The following LCLAT1 variants were observed in gnomAD, a reference collection of about 807,000 sequenced individuals.
LCLAT1 encodes the protein 1-AGP acyltransferase 8.
In LCLAT1, 11 loss-of-function variants were observed where a neutral mutation model predicts 30.7. That is an observed-to-expected ratio of 0.36 (90% CI 0.23 to 0.59). LCLAT1 has a LOEUF of 0.59. LCLAT1 is among the 20% of genes least tolerant of loss of function. The probability of loss-of-function intolerance (pLI) is 0.77; values close to 1 mark genes in which losing one functional copy is unlikely to be tolerated. For synonymous variants in LCLAT1, 155 were observed against 151.3 expected, an observed-to-expected ratio of 1.02 and a Z score of -0.18; for missense variants, 402 against 458.6, an observed-to-expected ratio of 0.88 and a Z score of 1.13.
Position 30,640,200 on chromosome 2 carries a change from G to T in LCLAT1, c.712G>T (p.Asp238Tyr). ...PQSEKHLLQG[D>Y]FPREIHFHVH... ...ATCAGAGAAGCACCTCCTCCAAGGA[G>T]ACTTTCCCAGGGAAATCCACTTTCA... The change falls in exon 6 of 6, where the codon GAC (aspartate) becomes TAC (tyrosine). Residue 238 changes from aspartate (D) to tyrosine (Y), a missense_variant. Physicochemically the swap from Asp to Tyr is radical, Grantham distance 160. Transcript: ENST00000379509. 2 of 1,614,082 alleles carry T rather than the reference G, an allele frequency of 1.2e-6. No homozygotes were observed. Among genetic ancestry groups the T allele is most frequent in the Non-Finnish European group, 1.7e-6 (2 of 1,179,960 alleles).
At chr2:30,636,868 C>T (rs966146689) in intron 5 of LCLAT1, among the ~76,000 whole-genome samples, 4 of 152,178 alleles carry the variant, frequency 2.6e-5, no homozygotes, top group African/African-American at 4.8e-5. Context: ...TTAAGATTGA[C>T]TGTGACACTC....
At chr2:30,535,833 A>G (rs879357952) in intron 3 of LCLAT1, among the ~76,000 whole-genome samples, 2 of 152,168 alleles carry the variant, frequency 1.3e-5, no homozygotes, top group Non-Finnish European at 2.9e-5. Context: ...AAGCCTATCA[A>G]ATGCCTGAAA....
intron 1 of LCLAT1, among the ~76,000 whole-genome samples, chr2:30,514,420 GT>G (rs1295458155): frequency 6.6e-5 from 10 of 152,298 alleles, no homozygotes; most frequent in Non-Finnish European, 1.5e-4. Flanking sequence ...TAAATGGTTT[GT>G]TTTTTGACAT....
chr2:30,502,354 A>G (rs1055745135), intron 1 of LCLAT1, among the ~76,000 whole-genome samples: 1 of 152,194 alleles, frequency 6.6e-6, no homozygotes, highest in African/African-American at 2.4e-5. Flanking sequence ...GCTAAGTAAC[A>G]TATTATTTTT....
At chr2:30,505,742 G>A (rs1178955942) in intron 1 of LCLAT1, among the ~76,000 whole-genome samples, 5 of 152,080 alleles carry the variant, frequency 3.3e-5, no homozygotes, top group Admixed American at 3.3e-4. Context: ...ACGTTATAAT[G>A]TAGCTTATCT....
chr2:30,479,088 G>A (rs1424573784), intron 1 of LCLAT1, among the ~76,000 whole-genome samples: 1 of 152,120 alleles, frequency 6.6e-6, no homozygotes, highest in East Asian at 1.9e-4. Flanking sequence ...TACATTTTGG[G>A]ATATTTATAC....
intron 5 of LCLAT1, among the ~76,000 whole-genome samples, chr2:30,639,418 C>G (rs1198303197): frequency 6.6e-6 from 1 of 152,090 alleles, no homozygotes; most frequent in Non-Finnish European, 1.5e-5. Flanking sequence ...AAGTTAAATT[C>G]AGGATGACAG....
chr2:30,623,262 GCCAGGATGGTC>G (rs912025210), intron 5 of LCLAT1, among the ~76,000 whole-genome samples: 24 of 152,092 alleles, frequency 1.6e-4, no homozygotes, highest in African/African-American at 5.8e-4. Context: ...CACCTTATTA[GCCAGGATGGTC>G]TCGATCTCCT....
At chr2:30,517,880 T>C (rs1274960716) in intron 1 of LCLAT1, among the ~76,000 whole-genome samples, 1 of 152,200 alleles carries the variant, frequency 6.6e-6, no homozygotes, top group African/African-American at 2.4e-5. Context: ...TCCGTGACCC[T>C]GTAACACTCC....
At chr2:30,484,074 T>A (rs753744838) in intron 1 of LCLAT1, among the ~76,000 whole-genome samples, 3 of 152,216 alleles carry the variant, frequency 2.0e-5, no homozygotes, top group Non-Finnish European at 4.4e-5. Context: ...TCTTCCCAGG[T>A]GGCCTCCCAG....
chr2:30,548,899 A>G (rs1484276088), intron 3 of LCLAT1, among the ~76,000 whole-genome samples: 1 of 152,064 alleles, frequency 6.6e-6, no homozygotes, highest in Non-Finnish European at 1.5e-5. Context: ...GTAGGGCATG[A>G]CTCCCTAGAT....
chr2:30,625,295 G>T (rs900212714), intron 5 of LCLAT1, among the ~76,000 whole-genome samples: 3 of 152,078 alleles, frequency 2.0e-5, no homozygotes, highest in Admixed American at 2.0e-4. Flanking sequence ...GAAACAAAAA[G>T]CTGGCTGTTT....
At position 30,538,608 on chromosome 2, in the gene LCLAT1, G is replaced by T. The variant is rs563553274; in HGVS notation, c.364+5294G>T. Reference sequence around the variant, plus strand: ...TGAGATTGCACCACTGCACTGTAGCGTGGGGTGACAGAGCCAGACTCCATC... The same window carrying T: ...TGAGATTGCACCACTGCACTGTAGCTTGGGGTGACAGAGCCAGACTCCATC... On this transcript the variant is annotated intron_variant, in intron 3 of 5. Coordinates refer to ENST00000379509, the MANE Select transcript of LCLAT1 (RefSeq NM_001002257.3). Among the ~76,000 whole-genome samples, 3 of 151,708 alleles carry T rather than the reference G, an allele frequency of 2.0e-5. No individual in the cohort carries two copies. In the South Asian group the frequency reaches 6.3e-4, roughly 32 times the overall value.
At chr2:30,500,111 C>T (rs535297178) in intron 1 of LCLAT1, among the ~76,000 whole-genome samples, 8 of 152,048 alleles carry the variant, frequency 5.3e-5, no homozygotes, top group South Asian at 2.1e-4. Context: ...ACATTTACAC[C>T]GAATTCCATG....
chr2:30,486,529 G>C (rs4952132), intron 1 of LCLAT1, among the ~76,000 whole-genome samples: 19,244 of 152,084 alleles, frequency 0.13, 1,349 homozygotes, highest in South Asian at 0.23. Context: ...CTGTTACTTA[G>C]CTTTGATTTG....
chr2:30,533,282 T>C lies in LCLAT1; in HGVS notation c.332T>C (p.Leu111Pro). 6.2e-7 allele frequency: 1 copy of C among 1,614,112 alleles called. No individual in the cohort carries two copies. The highest frequency in any genetic ancestry group is 8.5e-7 in the Non-Finnish European group (1 of 1,179,958). Reference sequence around the variant, plus strand: ...TACCTCAGATTGGAGAAAATTTGCCTCAAAGCGAGTCTCAAAGGTGTTCCT... The same window carrying C: ...TACCTCAGATTGGAGAAAATTTGCCCCAAAGCGAGTCTCAAAGGTGTTCCT... Reference protein sequence around the residue: ...YSYLRLEKICLKASLKGVPGF... With the variant: ...YSYLRLEKICPKASLKGVPGF... Residue 111 changes from leucine (L) to proline (P), a missense_variant, in exon 3 of 6, where the codon CTC becomes CCC. By Grantham distance (98) the Leu-to-Pro change is moderately conservative. Coordinates refer to ENST00000379509, the MANE Select transcript of LCLAT1 (RefSeq NM_001002257.3).
intron 1 of LCLAT1, among the ~76,000 whole-genome samples, chr2:30,460,647 C>G (rs1460628617): frequency 2.0e-5 from 3 of 152,082 alleles, no homozygotes; most frequent in African/African-American, 7.2e-5. Context: ...TTTTGTTATT[C>G]ATAACAAGAG....
At chr2:30,534,113 C>G (rs1230717712) in intron 3 of LCLAT1, among the ~76,000 whole-genome samples, 3 of 152,070 alleles carry the variant, frequency 2.0e-5, no homozygotes, top group Admixed American at 2.0e-4. Context: ...TAAACCATTC[C>G]TCTATTAGTA....
chr2:30,463,920 G>A (rs1682294182), intron 1 of LCLAT1, among the ~76,000 whole-genome samples: 2 of 152,152 alleles, frequency 1.3e-5, no homozygotes, highest in Non-Finnish European at 2.9e-5. Flanking sequence ...CATACAAATA[G>A]TGCCTCCGTG....
Sources: gnomAD v4.1 joint callset for allele counts (sites outside exome capture counted in the v4.1 genomes callset) on GRCh38, gnomAD v4.1.1 for gene constraint, MANE v1.5 for transcripts, NCBI Gene and HGNC (gene_info 2026-07-23, HGNC 2026-07-21) for gene names.